ZFP90: variants seen among roughly 807,000 people sequenced by gnomAD.
ZFP90 encodes zinc finger protein 90 homolog.
ZFP90 carries 38 observed loss-of-function variants against 60.8 expected under a neutral mutation model. That is an observed-to-expected ratio of 0.62 (90% CI 0.48 to 0.82). The LOEUF (loss-of-function observed/expected upper bound fraction) is 0.82, where lower values mean the gene tolerates loss of function less well. Among genes scored for constraint, ZFP90 ranks in the 40% least tolerant of loss-of-function variants. The pLI is 0.00. For synonymous variants in ZFP90, 287 were observed against 264.8 expected (o/e 1.08, Z -0.82); for missense variants, 711 against 759.1 (o/e 0.94, Z 0.74).
chr16:68,553,379 G>A (rs187207299), intron 2 of ZFP90, among the ~76,000 whole-genome samples: 21 of 152,162 alleles, frequency 1.4e-4, no homozygotes, highest in Admixed American at 5.2e-4. Context: ...GGGAAAAGGC[G>A]GAACACAGGC....
At position 68,563,398 on chromosome 16, in the gene ZFP90, T is replaced by C. The variant is rs2091466703; in HGVS notation, c.611T>C (p.Ile204Thr). The C allele has an allele frequency of 1.9e-6, 3 of 1,612,622 alleles. No individual in the cohort carries two copies. The highest frequency in any genetic ancestry group is 1.7e-5 in the Admixed American group (1 of 59,672). Residue 204 changes from isoleucine (I) to threonine (T), a missense_variant, in exon 5 of 5, where the codon ATT becomes ACT. This residue lies in a region of ZFP90 where 241 missense variants were observed against 247.6 expected (regional missense o/e 0.97). Transcript: ENST00000563169. ...GCAGACTTACTTAATGAGAATAATA[T>C]TCTTGCAAAAAAGAAACCCTATAAG... ...HNADLLNENN[I>T]LAKKKPYKCD... is the part of the protein sequence containing the mutation.
intron 2 of ZFP90, chr16:68,555,271 T>A (rs2091325028): frequency 6.6e-6 from 1 of 152,280 alleles, no homozygotes; most frequent in African/African-American, 2.4e-5. Context: ...ATTTTTAGTC[T>A]GCCACAGTGT....
At position 68,566,762 on chromosome 16, in the gene ZFP90, C is replaced by G; in HGVS notation, c.*2064C>G. The stretch of plus-strand genomic sequence containing the variant: ...GATTGGCTAGGATGCCTGTCAGGAA[C>G]TCATTATGCTACTGGTTGTTTGGGG... On this transcript the variant is annotated 3_prime_UTR_variant, in exon 5 of 5. Transcript: ENST00000563169. The G allele has an allele frequency of 1.0e-6, 1 of 985,562 alleles. No individual in the cohort carries two copies. Among genetic ancestry groups the G allele is most frequent in the Non-Finnish European group, 1.2e-6 (1 of 829,940 alleles). 61.1% of individuals were successfully genotyped at this position (985,562 alleles called of 1,614,324 possible).
In ZFP90 at chr16:68,563,973, T is replaced by C; in HGVS notation, c.1186T>C (p.Cys396Arg). The C allele has an allele frequency of 1.2e-6, 2 of 1,614,090 alleles. No individual in the cohort carries two copies. Among genetic ancestry groups the C allele is most frequent in the South Asian group, 2.2e-5 (2 of 91,076 alleles). ...RTHTGEKPFE[C>R]SICGRAFGQS... ...TCATACTGGAGAGAAACCTTTTGAA[T>C]GTAGCATATGTGGGAGGGCTTTTGG... The change falls in exon 5 of 5, where the codon TGT (cysteine) becomes CGT (arginine). Residue 396 changes from cysteine (C) to arginine (R), a missense_variant. By Grantham distance (180) the Cys-to-Arg change is radical. This residue lies in a region of ZFP90 where 146 missense variants were observed against 201.4 expected (regional missense o/e 0.73). Coordinates refer to ENST00000563169, the MANE Select transcript of ZFP90 (RefSeq NM_001305203.2).
intron 2 of ZFP90, among the ~76,000 whole-genome samples, chr16:68,572,437 C>T (rs1328050657): frequency 3.3e-5 from 5 of 152,162 alleles, no homozygotes; most frequent in Non-Finnish European, 5.9e-5. Flanking sequence ...GCTGATAAAG[C>T]TCCTAAGGTG....
Position 68,564,194 on chromosome 16 carries a change from G to GT in ZFP90, c.1407_1408insT (p.Arg470Ter), listed in dbSNP as rs1184944882. On this transcript the variant is annotated frameshift_variant, in exon 5 of 5. Coordinates refer to ENST00000563169, the MANE Select transcript of ZFP90 (RefSeq NM_001305203.2). LOFTEE classifies it high-confidence loss of function. ...ACATTACAGACTTTACTGACCATCA[G>GT]AGGATCCATACTGCAGAGAACCCCT... The GT allele has an allele frequency of 6.2e-7, 1 of 1,614,100 alleles. No homozygotes were observed. The highest frequency in any genetic ancestry group is 8.5e-7 in the Non-Finnish European group (1 of 1,180,012).
upstream of ZFP90, among the ~76,000 whole-genome samples, chr16:68,534,671 C>T (rs1461440142): frequency 4.0e-5 from 6 of 151,174 alleles, no homozygotes; most frequent in Non-Finnish European, 7.4e-5. Flanking sequence ...TTTGGGAGGC[C>T]GAGGTGGGTG....
intron 2 of ZFP90, among the ~76,000 whole-genome samples, chr16:68,548,474 CTTTTTTTTTTTTT>C (rs551779570): frequency 2.5e-5 from 2 of 81,046 alleles, no homozygotes; most frequent in Non-Finnish European, 4.2e-5. Context: ...GTTTATCCTC[CTTTTTTTTTTTTT>C]TTTTTTTTTT....
chr16:68,557,268 C>A (rs980077903), intron 2 of ZFP90: 1 of 455,994 alleles, frequency 2.2e-6, no homozygotes, highest in Non-Finnish European at 4.4e-6. Context: ...CCGGCCTTGA[C>A]CTCTCAAAGT....
At chr16:68,572,275 T>C (rs564007340) in intron 2 of ZFP90, among the ~76,000 whole-genome samples, 1 of 152,248 alleles carries the variant, frequency 6.6e-6, no homozygotes, top group South Asian at 2.1e-4. Flanking sequence ...TGAATTATAA[T>C]GGTATTTTAT....
chr16:68,555,389 C>T (rs1290315098), intron 2 of ZFP90: 2 of 152,168 alleles, frequency 1.3e-5, no homozygotes, highest in Non-Finnish European at 2.9e-5. Context: ...AGGGACACAG[C>T]CAAGTGTTGA....
At chr16:68,547,086 G>A (rs368914085) in intron 2 of ZFP90, among the ~76,000 whole-genome samples, 1 of 152,268 alleles carries the variant, frequency 6.6e-6, no homozygotes, top group South Asian at 2.1e-4. Flanking sequence ...GAACGTGGGG[G>A]TACAGATATC....
chr16:68,557,600 A>G (rs2091366331), intron 2 of ZFP90, among the ~76,000 whole-genome samples: 1 of 151,806 alleles, frequency 6.6e-6, no homozygotes. Flanking sequence ...AACTATTAAG[A>G]GTGGTTATTT....
At chr16:68,556,917 G>A (rs2091352970) in intron 2 of ZFP90, among the ~76,000 whole-genome samples, 1 of 152,186 alleles carries the variant, frequency 6.6e-6, no homozygotes, top group African/African-American at 2.4e-5. Context: ...CAAAAGGGCT[G>A]GGAACAAGTT....
At chr16:68,571,693 C>A (rs2091568978), downstream of ZFP90, among the ~76,000 whole-genome samples, 1 of 152,152 alleles carries the variant, frequency 6.6e-6, no homozygotes, top group Non-Finnish European at 1.5e-5. Flanking sequence ...CTTTGGGAGG[C>A]CAAGGTGGGA....
At chr16:68,557,186 C>T (rs2091357843) in intron 2 of ZFP90, 2 of 453,634 alleles carry the variant, frequency 4.4e-6, no homozygotes, top group Non-Finnish European at 4.4e-6. Context: ...TGGGGTTTTG[C>T]TCTATTGCCT....
intron 2 of ZFP90, chr16:68,557,112 T>G: frequency 2.3e-6 from 1 of 443,984 alleles, no homozygotes; most frequent in South Asian, 1.6e-5. Context: ...CTCAGCCTCC[T>G]GAGTAGCTGG....
intron 2 of ZFP90, among the ~76,000 whole-genome samples, chr16:68,544,401 C>T (rs1005425953): frequency 2.6e-5 from 4 of 152,078 alleles, no homozygotes; most frequent in African/African-American, 9.7e-5. Flanking sequence ...AGCAGAGAGA[C>T]ATCCCATCTC....
At chr16:68,562,822 G>A (rs564908025) in intron 4 of ZFP90, 59 of 970,768 alleles carry the variant, frequency 6.1e-5, no homozygotes, top group East Asian at 5.7e-4. Flanking sequence ...CCTCCTAGAT[G>A]GGCTTTCCTC....
Sources: allele counts gnomAD v4.1 joint callset (sites outside exome capture counted in the v4.1 genomes callset), GRCh38; gene constraint gnomAD v4.1.1; regional missense constraint gnomAD v4.1.1; transcripts MANE v1.5; gene names NCBI Gene and HGNC (gene_info 2026-07-23, HGNC 2026-07-21).